The following CCDC127 variants were observed in gnomAD, a reference collection of about 807,000 sequenced individuals.
CCDC127 encodes coiled-coil domain-containing protein 127.
A neutral mutation model predicts 4.1 loss-of-function variants in CCDC127; 2 were observed. The observed-to-expected ratio is 0.49, with a 90% CI of 0.20 to 1.53. The LOEUF (loss-of-function observed/expected upper bound fraction) is 1.53, where lower values mean the gene tolerates loss of function less well. Among genes scored for constraint, CCDC127 ranks in the 40% most tolerant of loss-of-function variants. The pLI is 0.23. For synonymous variants in CCDC127, 98 were observed against 120.4 expected (o/e 0.81, Z 1.22); for missense variants, 271 against 322.9 (o/e 0.84, Z 1.23).
chr5:210,410 T>C (rs1229097716), intron 2 of CCDC127, among the ~76,000 whole-genome samples: 1 of 152,044 alleles, frequency 6.6e-6, no homozygotes, highest in East Asian at 1.9e-4. Flanking sequence ...AGGACTAGAA[T>C]CTAAGACATA....
intron 1 of CCDC127, chr5:217,102 G>A (rs1299319835): frequency 6.8e-6 from 2 of 292,470 alleles, no homozygotes; most frequent in Non-Finnish European, 1.3e-5. Flanking sequence ...CTGCACTCCA[G>A]CCTGGTGACA....
intron 2 of CCDC127, among the ~76,000 whole-genome samples, chr5:206,926 T>G (rs988251490): frequency 2.6e-5 from 4 of 152,128 alleles, no homozygotes; most frequent in Admixed American, 1.3e-4. Context: ...CTCGTGTGCT[T>G]CTATCCTGTA....
intron 2 of CCDC127, among the ~76,000 whole-genome samples, chr5:208,900 C>A (rs1027859246): frequency 2.0e-5 from 3 of 152,212 alleles, no homozygotes; most frequent in Non-Finnish European, 1.5e-5. Context: ...ACTAAATGAA[C>A]AAAGATGATC....
chr5:205,330 A>G lies in CCDC127; in HGVS notation c.750T>C (p.Phe250=), dbSNP rs752969743. The change falls in exon 3 of 3, where the codon TTT becomes TTC. Residue 250 remains phenylalanine, a synonymous_variant. Transcript: ENST00000296824. ...YWELVVELKK[F]KRVEEAILEK ...CTAGTATGGCTTCCTCTACTCTCTT[A>G]AACTTCTTCAGTTCGACAACGAGTT... 2 of 1,613,446 alleles carry G rather than the reference A, an allele frequency of 1.2e-6. No homozygotes were observed. Among genetic ancestry groups the G allele is most frequent in the Non-Finnish European group, 1.7e-6 (2 of 1,179,674 alleles).
At position 205,632 on chromosome 5, in the gene CCDC127, T is replaced by G. The variant is rs762546241; in HGVS notation, c.448A>C (p.Asn150His). 6.2e-7 allele frequency: 1 copy of G among 1,614,196 alleles called. No individual in the cohort carries two copies. Among genetic ancestry groups the G allele is most frequent in the South Asian group, 1.1e-5 (1 of 91,080 alleles). ...AYLSCLQREE[N>H]WQRRARLLLK... Reference sequence around the variant, plus strand: ...AAAAGCCTGGCTCTCCTTTGCCAGTTTTCTTCCCTTTGCAGGCAGCTCAAA... The same window carrying G: ...AAAAGCCTGGCTCTCCTTTGCCAGTGTTCTTCCCTTTGCAGGCAGCTCAAA... The change falls in exon 3 of 3, where the codon AAC becomes CAC. Residue 150 changes from asparagine to histidine, a missense_variant. Asn to His is a moderately conservative substitution (Grantham distance 68, BLOSUM62 1). Transcript: ENST00000296824.
At chr5:210,666 T>C (rs1379615479) in intron 2 of CCDC127, among the ~76,000 whole-genome samples, 1 of 132,576 alleles carries the variant, frequency 7.5e-6, no homozygotes, top group Non-Finnish European at 1.6e-5. Context: ...AGCACGCTGA[T>C]GCTCGACATC....
chr5:203,819 A>C lies in CCDC127; in HGVS notation c.*1478T>G, dbSNP rs901657950. 1 of 152,186 alleles carries C rather than the reference A, an allele frequency of 6.6e-6. No individual in the cohort carries two copies. The highest frequency in any genetic ancestry group is 1.5e-5 in the Non-Finnish European group (1 of 68,046). 9.4% of individuals were successfully genotyped at this position (152,186 alleles called of 1,614,324 possible). On this transcript the variant is annotated 3_prime_UTR_variant, in exon 3 of 3. Coordinates refer to ENST00000296824, the MANE Select transcript of CCDC127 (RefSeq NM_145265.3). The stretch of plus-strand genomic sequence containing the variant: ...TGACCTCAGGCAGGTTAGCTCTTCC[A>C]CATCTCCGTAAAGTGAGGTGCGTGG...
Position 204,547 on chromosome 5 carries a change from GTA to G in CCDC127, c.*748_*749del, listed in dbSNP as rs1233058778. 4 of 152,228 alleles carry G rather than the reference GTA, an allele frequency of 2.6e-5. No homozygotes were observed. Among genetic ancestry groups the G allele is most frequent in the African/African-American group, 9.7e-5 (4 of 41,450 alleles). The allele number at this position is 152,228 out of a possible 1,614,324, so 9.4% of individuals were successfully genotyped here. On this transcript the variant is annotated 3_prime_UTR_variant, in exon 3 of 3. Coordinates refer to ENST00000296824, the MANE Select transcript of CCDC127 (RefSeq NM_145265.3). ...TACTCATAAATGGCAAGTATTTTGA[GTA>G]TATATCATTGCTAATAAGTATCTGC...
chr5:205,984 A>G, intron 2 of CCDC127, 26 bp from the exon 3 acceptor site: 1 of 1,573,516 alleles, frequency 6.4e-7, no homozygotes, highest in Non-Finnish European at 8.6e-7. Flanking sequence ...AAAAATACAC[A>G]TAATGAAAAA....
chr5:212,213 T>A (rs371185140), intron 2 of CCDC127, among the ~76,000 whole-genome samples: 1 of 20,624 alleles, frequency 4.8e-5, no homozygotes, highest in Non-Finnish European at 8.2e-5. Context: ...GCAGCCACGA[T>A]GAGACAGCAC....
intron 2 of CCDC127, among the ~76,000 whole-genome samples, chr5:208,959 A>G (rs1165804645): frequency 6.7e-6 from 1 of 150,032 alleles, no homozygotes; most frequent in Non-Finnish European, 1.5e-5. Flanking sequence ...TCTGACAAGG[A>G]CTTCAGAGCA....
chr5:205,487 G>C lies in CCDC127; in HGVS notation c.593C>G (p.Pro198Arg). The C allele has an allele frequency of 6.2e-7, 1 of 1,613,990 alleles. No homozygotes were observed. Among genetic ancestry groups the C allele is most frequent in the Non-Finnish European group, 8.5e-7 (1 of 1,179,854 alleles). Residue 198 changes from proline (P) to arginine (R), a missense_variant, in exon 3 of 3, where the codon CCC (proline) becomes CGC (arginine). Physicochemically the swap from Pro to Arg is moderately radical, Grantham distance 103. Around this residue, in one of 2 missense-constraint regions of CCDC127, gnomAD observed 265 missense variants for 270.9 expected, o/e 0.98. Coordinates refer to ENST00000296824, the MANE Select transcript of CCDC127 (RefSeq NM_145265.3). ...TGCCATCTCTAGGTCAGCGGCGACG[G>C]GGTCGACGGACGCTCGCACCAGTAA... is the stretch of plus-strand genomic sequence containing the variant. ...KSLLVRASVD[P>R]VAADLEMAAG...
intron 1 of CCDC127, 134 bp downstream of exon 1, chr5:217,959 G>A (rs1184412736): frequency 1.9e-5 from 7 of 372,692 alleles, no homozygotes; most frequent in Non-Finnish European, 2.0e-5. Context: ...CTCCGCGGAC[G>A]AGCGCCCCCC....
intron 2 of CCDC127, among the ~76,000 whole-genome samples, chr5:206,218 A>G (rs1221696975): frequency 6.6e-6 from 1 of 152,202 alleles, no homozygotes; most frequent in Non-Finnish European, 1.5e-5. Flanking sequence ...AAGATCTACC[A>G]CCATTTGCCT....
At chr5:215,454 C>A (rs998442640) in intron 2 of CCDC127, 15 of 152,106 alleles carry the variant, frequency 9.9e-5, no homozygotes, top group African/African-American at 3.6e-4. Context: ...AGCCTCAAAG[C>A]CAATTAATTA....
chr5:207,824 G>A (rs1194686384), intron 2 of CCDC127, among the ~76,000 whole-genome samples: 1 of 152,198 alleles, frequency 6.6e-6, no homozygotes, highest in African/African-American at 2.4e-5. Flanking sequence ...GAATCAAGAG[G>A]AGACAGGGAG....
At chr5:206,582 G>A (rs994284530) in intron 2 of CCDC127, among the ~76,000 whole-genome samples, 7 of 152,140 alleles carry the variant, frequency 4.6e-5, no homozygotes, top group Non-Finnish European at 1.0e-4. Flanking sequence ...CTCTAAGACC[G>A]GATGACTCAC....
At position 200,470 on chromosome 5, in the gene CCDC127, T is replaced by C; in HGVS notation, c.*4827A>G. The C allele has an allele frequency of 6.6e-6, 1 of 152,400 alleles. No homozygotes were observed. Among genetic ancestry groups the C allele is most frequent in the Non-Finnish European group, 1.5e-5 (1 of 68,094 alleles). 9.4% of individuals were successfully genotyped at this position (152,400 alleles called of 1,614,324 possible). On this transcript the variant is annotated 3_prime_UTR_variant, in exon 3 of 3. Coordinates refer to ENST00000296824, the MANE Select transcript of CCDC127 (RefSeq NM_145265.3). ...CTCAGGAGCTGTGGGAACCGCCCTG[T>C]CCCACCGTGTGGCCAGAGAAGCTGG...
Position 205,267 on chromosome 5 carries a change from C to A in CCDC127, c.*30G>T. 1.3e-6 allele frequency: 2 copies of A among 1,576,060 alleles called. No individual in the cohort carries two copies. Among genetic ancestry groups the A allele is most frequent in the South Asian group, 2.4e-5 (2 of 84,982 alleles). On this transcript the variant is annotated 3_prime_UTR_variant, in exon 3 of 3. Coordinates refer to ENST00000296824, the MANE Select transcript of CCDC127 (RefSeq NM_145265.3). ...GGCGCATGACTGCCTGGCCTCGAGT[C>A]ACTAAAAGCAGTTTGATTTCACTCT...
Sources: gnomAD v4.1 joint callset for allele counts (sites outside exome capture counted in the v4.1 genomes callset) on GRCh38, gnomAD v4.1.1 for gene constraint, gnomAD v4.1.1 regional missense constraint, MANE v1.5 for transcripts, NCBI Gene and HGNC (gene_info 2026-07-23, HGNC 2026-07-21) for gene names.